Variants in C14orf132 observed in about 807,000 individuals in gnomAD.
C14orf132 encodes uncharacterized protein C14orf132.
In C14orf132, 6 loss-of-function variants were observed where a neutral mutation model predicts 5.8. The ratio of observed to expected loss-of-function variants is 1.03; its 90% CI spans 0.57 to 2.04. The LOEUF is 2.04. C14orf132 is among the 30% of genes most tolerant of loss of function. The pLI, the probability that C14orf132 is intolerant of heterozygous loss-of-function variation, is 0.00. For missense variants in C14orf132, 125 were observed against 115.8 expected, an observed-to-expected ratio of 1.08 and a Z score of -0.37; for synonymous variants, 51 against 49.8, an observed-to-expected ratio of 1.02 and a Z score of -0.10.
At chr14:96,052,492 A>G (rs1887059371) in intron 1 of C14orf132, among the ~76,000 whole-genome samples, 1 of 152,214 alleles carries the variant, frequency 6.6e-6, no homozygotes, top group Non-Finnish European at 1.5e-5. Flanking sequence ...TTCTCATCTC[A>G]TTTATGTCAG....
chr14:96,088,934 AAC>A lies in C14orf132; in HGVS notation c.*2201_*2202del. 1 of 152,306 alleles carries A rather than the reference AAC, an allele frequency of 6.6e-6. No homozygotes were observed. The highest frequency in any genetic ancestry group is 1.5e-5 in the Non-Finnish European group (1 of 68,096). 9.4% of individuals were successfully genotyped at this position (152,306 alleles called of 1,614,324 possible). On this transcript the variant is annotated 3_prime_UTR_variant, in exon 2 of 2. Coordinates refer to ENST00000555004, the MANE Select transcript of C14orf132 (RefSeq NM_001252507.3). ...TGGAGGCCCCTCAGCCTCCAGCCCT[AAC>A]ATAAATGTCGGTTAAATTCAGTTTT... is the stretch of plus-strand genomic sequence containing the variant.
intron 1 of C14orf132, among the ~76,000 whole-genome samples, chr14:96,056,669 A>T (rs1355838156): frequency 2.0e-5 from 3 of 152,036 alleles, no homozygotes; most frequent in Non-Finnish European, 4.4e-5. Flanking sequence ...GGTGCCTATG[A>T]TGACGTTGCA....
At chr14:96,053,178 A>G (rs745718555) in intron 1 of C14orf132, among the ~76,000 whole-genome samples, 1 of 152,164 alleles carries the variant, frequency 6.6e-6, no homozygotes, top group African/African-American at 2.4e-5. Flanking sequence ...CTTGCTTTTT[A>G]AAAATGAGTG....
At chr14:96,047,889 T>A (rs1197597054) in intron 1 of C14orf132, among the ~76,000 whole-genome samples, 1 of 152,006 alleles carries the variant, frequency 6.6e-6, no homozygotes, top group Non-Finnish European at 1.5e-5. Context: ...CGTCGACACA[T>A]CAGAATCCTC....
chr14:96,052,984 T>C (rs972719233), intron 1 of C14orf132, among the ~76,000 whole-genome samples: 1 of 152,140 alleles, frequency 6.6e-6, no homozygotes, highest in South Asian at 2.1e-4. Flanking sequence ...AAATGGTGAC[T>C]CAGAGGTAAG....
At chr14:96,040,880 T>G (rs1003418566) in intron 1 of C14orf132, among the ~76,000 whole-genome samples, 1 of 152,184 alleles carries the variant, frequency 6.6e-6, no homozygotes, top group African/African-American at 2.4e-5. Context: ...GATTTATTTC[T>G]AGACTGGAGA....
At chr14:96,072,740 GC>G (rs1231160159) in intron 1 of C14orf132, among the ~76,000 whole-genome samples, 1 of 152,056 alleles carries the variant, frequency 6.6e-6, no homozygotes, top group African/African-American at 2.4e-5. Flanking sequence ...CATCTAAATG[GC>G]CTTTTCCACA....
chr14:96,070,915 C>T (rs931533382), intron 1 of C14orf132, among the ~76,000 whole-genome samples: 2 of 152,088 alleles, frequency 1.3e-5, no homozygotes, highest in Admixed American at 6.6e-5. Context: ...TTAATGACTG[C>T]CACACTGTAA....
intron 1 of C14orf132, among the ~76,000 whole-genome samples, chr14:96,045,463 A>G (rs937105834): frequency 1.6e-4 from 24 of 152,240 alleles, no homozygotes; most frequent in African/African-American, 4.1e-4. Context: ...GGGTGGGTGT[A>G]TAAGTCCAGG....
At position 96,039,583 on chromosome 14, in the gene C14orf132, G is replaced by T; in HGVS notation, c.27+56G>T. ...GCCGCCAAGTTTGGGGAGGTTCGGG[G>T]CCACGGTCTCGCCCTCCACGCTGGG... On this transcript the variant is annotated intron_variant, in intron 1 of 1. Transcript: ENST00000555004. This position sits in a 1 kb window ranked among gnomAD's most constrained non-coding sequence, Gnocchi z 5.3. The T allele has an allele frequency of 1.4e-6, 2 of 1,468,436 alleles. No individual in the cohort carries two copies. The highest frequency in any genetic ancestry group is 1.8e-6 in the Non-Finnish European group (2 of 1,107,344). The allele number at this position is 1,468,436 out of a possible 1,614,324, so 91.0% of individuals were successfully genotyped here.
chr14:96,040,627 T>C (rs1314996787), intron 1 of C14orf132, among the ~76,000 whole-genome samples: 2 of 152,186 alleles, frequency 1.3e-5, no homozygotes, highest in Admixed American at 6.5e-5. Flanking sequence ...ACAGCGAGTC[T>C]GCAAATGGAG....
intron 1 of C14orf132, among the ~76,000 whole-genome samples, chr14:96,084,204 G>C (rs1420839091): frequency 6.6e-6 from 1 of 152,232 alleles, no homozygotes; most frequent in Non-Finnish European, 1.5e-5. Flanking sequence ...CATGGGCCTG[G>C]TGAGAGAGAA....
At chr14:96,085,861 A>G (rs78793335) in intron 1 of C14orf132, among the ~76,000 whole-genome samples, 6,499 of 152,274 alleles carry the variant, frequency 0.043, 452 homozygotes, top group African/African-American at 0.15. Context: ...TGTTCATGAT[A>G]GAATAATACA....
intron 1 of C14orf132, among the ~76,000 whole-genome samples, chr14:96,082,716 A>G (rs2139681429): frequency 6.6e-6 from 1 of 152,218 alleles, no homozygotes; most frequent in Non-Finnish European, 1.5e-5. Context: ...TGATTTCCTC[A>G]CTTTAGCTTA....
chr14:96,079,399 C>A (rs1210273697), intron 1 of C14orf132, among the ~76,000 whole-genome samples: 3 of 152,168 alleles, frequency 2.0e-5, no homozygotes, highest in Non-Finnish European at 1.5e-5. Context: ...CTCTTTCTAG[C>A]CGAAATGTCT....
intron 1 of C14orf132, among the ~76,000 whole-genome samples, chr14:96,055,399 T>A (rs1304023834): frequency 1.3e-5 from 2 of 152,194 alleles, no homozygotes; most frequent in African/African-American, 4.8e-5. Flanking sequence ...CTGTCTTTTT[T>A]CAAGGCTGTT....
chr14:96,054,293 G>A (rs1887116028), intron 1 of C14orf132, among the ~76,000 whole-genome samples: 1 of 152,172 alleles, frequency 6.6e-6, no homozygotes. Flanking sequence ...CTGCCACTGC[G>A]CTGCCGGGGA....
In C14orf132 at chr14:96,088,461, C is replaced by G. The variant is rs1450235860; in HGVS notation, c.*1726C>G. On this transcript the variant is annotated 3_prime_UTR_variant, in exon 2 of 2. Coordinates refer to ENST00000555004, the MANE Select transcript of C14orf132 (RefSeq NM_001252507.3). ...GGACATGGACCACCTGTCTGGAATT[C>G]CTGGAATCACTGGCAGGGTGGAGGC... is the stretch of plus-strand genomic sequence containing the variant. 1 of 152,326 alleles carries G rather than the reference C, an allele frequency of 6.6e-6. No individual in the cohort carries two copies. The highest frequency in any genetic ancestry group is 1.9e-4 in the East Asian group (1 of 5,200). The allele number at this position is 152,326 out of a possible 1,614,324, so 9.4% of individuals were successfully genotyped here. A position where few individuals can be genotyped will look rare whatever the true frequency, so the allele number is the denominator to read the frequency against.
chr14:96,070,273 A>G (rs968744868), intron 1 of C14orf132, among the ~76,000 whole-genome samples: 3 of 152,034 alleles, frequency 2.0e-5, no homozygotes, highest in Non-Finnish European at 4.4e-5. Context: ...CTCGTTGTTT[A>G]CTTTTTAAAT....
Sources: gnomAD v4.1 joint callset for allele counts (sites outside exome capture counted in the v4.1 genomes callset) on GRCh38, gnomAD v4.1.1 for gene constraint, Gnocchi (gnomAD v3.1) non-coding constraint, MANE v1.5 for transcripts, NCBI Gene and HGNC (gene_info 2026-07-23, HGNC 2026-07-21) for gene names.